Variants in EYA1 observed in about 807,000 individuals in gnomAD.
The protein encoded by EYA1 is EYA transcriptional coactivator and phosphatase 1, also known as protein phosphatase EYA1.
A neutral mutation model predicts 82.0 loss-of-function variants in EYA1; 16 were observed. That is an observed-to-expected ratio of 0.20 (90% CI 0.13 to 0.30). The LOEUF is 0.30. Among genes scored for constraint, EYA1 ranks in the 10% least tolerant of loss-of-function variants. EYA1 has a pLI of 1.00. For synonymous variants in EYA1, 261 were observed against 264.4 expected (o/e 0.99, Z 0.12); for missense variants, 633 against 730.7 (o/e 0.87, Z 1.54).
intron 2 of EYA1, among the ~76,000 whole-genome samples, chr8:71,452,350 A>G (rs955759592): frequency 6.6e-6 from 1 of 152,226 alleles, no homozygotes; most frequent in South Asian, 2.1e-4. Flanking sequence ...GGGGCAGGGC[A>G]TAGCTGGACA....
intron 17 of EYA1, among the ~76,000 whole-genome samples, chr8:71,210,531 G>A (rs1808374054): frequency 6.6e-6 from 1 of 152,158 alleles, no homozygotes; most frequent in Non-Finnish European, 1.5e-5. Context: ...GGCCCAATGA[G>A]AAAGCTTTTG....
At chr8:71,276,068 G>C (rs1817132824) in intron 9 of EYA1, among the ~76,000 whole-genome samples, 1 of 152,256 alleles carries the variant, frequency 6.6e-6, no homozygotes, top group African/African-American at 2.4e-5. Flanking sequence ...TTTTGCATCA[G>C]GATATGAATC....
At chr8:71,305,206 G>C (rs1820593463) in intron 7 of EYA1, among the ~76,000 whole-genome samples, 1 of 142,850 alleles carries the variant, frequency 7.0e-6, no homozygotes, top group African/African-American at 2.5e-5. Context: ...AGAAACAAAT[G>C]ACTTTACATC....
intron 11 of EYA1, among the ~76,000 whole-genome samples, chr8:71,259,180 C>G (rs571495498): frequency 6.6e-6 from 1 of 152,176 alleles, no homozygotes; most frequent in Non-Finnish European, 1.5e-5. Context: ...CTATGGTCAA[C>G]CAAGCCAGAG....
At chr8:71,247,337 C>T (rs775527377) in intron 11 of EYA1, among the ~76,000 whole-genome samples, 32 of 152,132 alleles carry the variant, frequency 2.1e-4, no homozygotes, top group Non-Finnish European at 4.3e-4. Flanking sequence ...CTGCCTGTGC[C>T]TTTTCTGCCA....
At chr8:71,450,325 G>A (rs908407428) in intron 2 of EYA1, among the ~76,000 whole-genome samples, 1 of 152,150 alleles carries the variant, frequency 6.6e-6, no homozygotes, top group African/African-American at 2.4e-5. Flanking sequence ...CCTTTCAGTT[G>A]AACACTTAGA....
At chr8:71,270,994 C>T (rs1816458819) in intron 10 of EYA1, among the ~76,000 whole-genome samples, 1 of 151,980 alleles carries the variant, frequency 6.6e-6, no homozygotes, top group South Asian at 2.1e-4. Flanking sequence ...GCCTGTAGTC[C>T]CAGCTACTCG....
intron 2 of EYA1, among the ~76,000 whole-genome samples, chr8:71,444,704 G>A (rs1382486352): frequency 6.6e-6 from 1 of 152,140 alleles, no homozygotes; most frequent in Non-Finnish European, 1.5e-5. Flanking sequence ...CCTACACTGA[G>A]GGGTTAGAAT....
chr8:71,422,692 G>A (rs1328307412), intron 2 of EYA1, among the ~76,000 whole-genome samples: 5 of 152,112 alleles, frequency 3.3e-5, no homozygotes, highest in East Asian at 3.9e-4. Flanking sequence ...GGAAACAAAC[G>A]CATCCTTCTT....
intron 2 of EYA1, among the ~76,000 whole-genome samples, chr8:71,434,585 A>G (rs2129164674): frequency 6.6e-6 from 1 of 152,300 alleles, no homozygotes; most frequent in African/African-American, 2.4e-5. Flanking sequence ...CAAGGAAACA[A>G]GGTCCTTCAA....
At chr8:71,442,310 T>A (rs1806490166) in intron 2 of EYA1, among the ~76,000 whole-genome samples, 1 of 152,224 alleles carries the variant, frequency 6.6e-6, no homozygotes, top group Non-Finnish European at 1.5e-5. Flanking sequence ...GTGGATCTTT[T>A]CTTTTCAAGA....
At chr8:71,412,909 C>A (rs1830682193) in intron 2 of EYA1, among the ~76,000 whole-genome samples, 2 of 152,162 alleles carry the variant, frequency 1.3e-5, no homozygotes, top group South Asian at 4.1e-4. Context: ...GTCCTCATCA[C>A]AAAGTATGGT....
chr8:71,270,612 C>A (rs900980901), intron 10 of EYA1, among the ~76,000 whole-genome samples: 6 of 152,154 alleles, frequency 3.9e-5, no homozygotes, highest in Admixed American at 3.3e-4. Context: ...CCAAAATAAT[C>A]ATGTTTTCCA....
chr8:71,439,032 G>C (rs1443288268), intron 2 of EYA1, among the ~76,000 whole-genome samples: 1 of 152,086 alleles, frequency 6.6e-6, no homozygotes, highest in Non-Finnish European at 1.5e-5. Flanking sequence ...AGGTAGCAAG[G>C]AGCAAACCAA....
chr8:71,269,138 C>T (rs528153552), intron 11 of EYA1, among the ~76,000 whole-genome samples: 80 of 152,202 alleles, frequency 5.3e-4, no homozygotes, highest in Non-Finnish European at 9.3e-4. Flanking sequence ...AACATGGAAA[C>T]CAAAGTTTCA....
chr8:71,370,002 G>A (rs1408065713), intron 2 of EYA1, among the ~76,000 whole-genome samples: 1 of 151,642 alleles, frequency 6.6e-6, no homozygotes, highest in East Asian at 1.9e-4. Flanking sequence ...CAAACTCCAA[G>A]GAAATTAAAG....
At chr8:71,323,425 T>C (rs77529592) in intron 4 of EYA1, among the ~76,000 whole-genome samples, 5 of 152,218 alleles carry the variant, frequency 3.3e-5, no homozygotes, top group African/African-American at 1.2e-4. Context: ...TTTCCCATTG[T>C]CACACTGGTA....
At chr8:71,503,939 G>A (rs566485972) in intron 2 of EYA1, among the ~76,000 whole-genome samples, 298 of 152,214 alleles carry the variant, frequency 2.0e-3, no homozygotes, top group Non-Finnish European at 3.5e-3. Flanking sequence ...GATGTGAGTC[G>A]CTGGAATGGT....
At chr8:71,380,324 G>A (rs7843408) in intron 2 of EYA1, among the ~76,000 whole-genome samples, 52,240 of 152,108 alleles carry the variant, frequency 0.34, 10,254 homozygotes, top group East Asian at 0.72. Context: ...GGGCAGTACT[G>A]AGGAGAATTG....
Sources: allele counts gnomAD v4.1 joint callset (sites outside exome capture counted in the v4.1 genomes callset), GRCh38; gene constraint gnomAD v4.1.1; transcripts MANE v1.5; gene names NCBI Gene and HGNC (gene_info 2026-07-23, HGNC 2026-07-21).